Variants in NT5C2 observed in about 807,000 individuals in gnomAD.
The protein encoded by NT5C2 is cytosolic purine 5'-nucleotidase.
A neutral mutation model predicts 76.1 loss-of-function variants in NT5C2; 58 were observed. The ratio of observed to expected loss-of-function variants is 0.76; its 90% CI spans 0.62 to 0.95. The LOEUF (loss-of-function observed/expected upper bound fraction) is 0.95, where lower values mean the gene tolerates loss of function less well. Among genes scored for constraint, NT5C2 ranks in the 40% least tolerant of loss-of-function variants. The probability of loss-of-function intolerance (pLI) is 0.00; values close to 1 mark genes in which losing one functional copy is unlikely to be tolerated. For missense variants in NT5C2, 478 were observed against 690.3 expected, an observed-to-expected ratio of 0.69 and a Z score of 3.45; for synonymous variants, 229 against 237.4, an observed-to-expected ratio of 0.96 and a Z score of 0.32.
At chr10:103,097,925 C>T (rs1471145996) in intron 10 of NT5C2, 1 of 463,320 alleles carries the variant, frequency 2.2e-6, no homozygotes, top group South Asian at 1.6e-5. Context: ...TTTTCCTTCT[C>T]GCATAGCAAA....
intron 6 of NT5C2, among the ~76,000 whole-genome samples, chr10:103,104,471 T>C (rs1388588253): frequency 6.6e-6 from 1 of 152,210 alleles, no homozygotes; most frequent in Non-Finnish European, 1.5e-5. Context: ...TATCTGTGTA[T>C]AAAATAGCTT....
intron 2 of NT5C2, among the ~76,000 whole-genome samples, chr10:103,180,867 G>A (rs2090930143): frequency 1.3e-5 from 2 of 152,086 alleles, no homozygotes; most frequent in South Asian, 4.1e-4. Flanking sequence ...CAATATAAAG[G>A]AATAAAGTAT....
intron 1 of NT5C2, among the ~76,000 whole-genome samples, chr10:103,184,400 A>G (rs1377838638): frequency 6.6e-6 from 1 of 152,188 alleles, no homozygotes; most frequent in Non-Finnish European, 1.5e-5. Flanking sequence ...AACTCCAACT[A>G]ATAACATCAC....
At chr10:103,111,899 T>C (rs1305005229) in intron 4 of NT5C2, 2 of 790,104 alleles carry the variant, frequency 2.5e-6, no homozygotes, top group Non-Finnish European at 3.4e-6. Context: ...AGAGATACCA[T>C]TTGGAAATTG....
At chr10:103,143,809 G>A (rs888112047) in intron 3 of NT5C2, among the ~76,000 whole-genome samples, 1 of 151,816 alleles carries the variant, frequency 6.6e-6, no homozygotes, top group African/African-American at 2.4e-5. Flanking sequence ...TAAAAAATTA[G>A]CCACGTGTAG....
intron 4 of NT5C2, among the ~76,000 whole-genome samples, chr10:103,130,168 AAAG>A (rs1224280577): frequency 2.0e-5 from 3 of 151,732 alleles, no homozygotes; most frequent in East Asian, 3.9e-4. Flanking sequence ...GTCTGTGTAG[AAAG>A]AAGTAGACAT....
intron 3 of NT5C2, among the ~76,000 whole-genome samples, chr10:103,154,519 G>A (rs955090588): frequency 3.3e-5 from 5 of 152,256 alleles, no homozygotes; most frequent in African/African-American, 1.2e-4. Context: ...GGCACTAGAA[G>A]AACTAAGGCT....
At chr10:103,110,313 G>A (rs1221248022) in intron 4 of NT5C2, among the ~76,000 whole-genome samples, 1 of 152,074 alleles carries the variant, frequency 6.6e-6, no homozygotes, top group Non-Finnish European at 1.5e-5. Flanking sequence ...AAAATTAGCT[G>A]GGCGTGGTGG....
chr10:103,104,421 C>T (rs2070647118), intron 6 of NT5C2, among the ~76,000 whole-genome samples: 1 of 152,090 alleles, frequency 6.6e-6, no homozygotes, highest in Admixed American at 6.5e-5. Flanking sequence ...ATAATAGAAC[C>T]CTGGTTCATC....
At chr10:103,152,733 G>GA (rs1310188831) in intron 3 of NT5C2, among the ~76,000 whole-genome samples, 1 of 152,036 alleles carries the variant, frequency 6.6e-6, no homozygotes, top group Non-Finnish European at 1.5e-5. Context: ...CACAAAAAGA[G>GA]AATCAGTAAT....
chr10:103,146,855 A>G (rs550922666), intron 3 of NT5C2, among the ~76,000 whole-genome samples: 1 of 152,332 alleles, frequency 6.6e-6, no homozygotes, highest in Admixed American at 6.5e-5. Flanking sequence ...CACTAATGCC[A>G]AATTAATTGC....
intron 2 of NT5C2, among the ~76,000 whole-genome samples, chr10:103,179,886 T>C (rs558099696): frequency 1.3e-5 from 2 of 152,216 alleles, no homozygotes; most frequent in African/African-American, 2.4e-5. Flanking sequence ...TCCCTCTTCA[T>C]GGCTAACAGA....
chr10:103,148,465 G>T (rs544737360), intron 3 of NT5C2, among the ~76,000 whole-genome samples: 10 of 152,242 alleles, frequency 6.6e-5, no homozygotes, highest in African/African-American at 2.4e-4. Context: ...GCCGGGCATG[G>T]TGGCAGGTGC....
intron 12 of NT5C2, among the ~76,000 whole-genome samples, chr10:103,094,856 T>A (rs1305984370): frequency 7.1e-6 from 1 of 139,878 alleles, no homozygotes; most frequent in Non-Finnish European, 1.5e-5. Context: ...CACTCCAGCT[T>A]GGCAACAGAG....
chr10:103,186,372 T>C (rs2092009980), intron 1 of NT5C2, among the ~76,000 whole-genome samples: 1 of 152,244 alleles, frequency 6.6e-6, no homozygotes, highest in African/African-American at 2.4e-5. Flanking sequence ...CAGTACTTGA[T>C]GTTTGCAGGA....
intron 12 of NT5C2, among the ~76,000 whole-genome samples, chr10:103,094,732 AT>A (rs2067749746): frequency 1.3e-5 from 2 of 152,074 alleles, no homozygotes; most frequent in Non-Finnish European, 2.9e-5. Context: ...AACTACAAAA[AT>A]TAGCCGGGCG....
chr10:103,192,798 G>T (rs748146710), intron 1 of NT5C2, among the ~76,000 whole-genome samples: 3 of 152,206 alleles, frequency 2.0e-5, no homozygotes, highest in Admixed American at 6.5e-5. Context: ...GGGGTGGCCG[G>T]GAACAGCCTG....
intron 3 of NT5C2, among the ~76,000 whole-genome samples, chr10:103,145,715 G>A (rs1050523849): frequency 6.6e-6 from 1 of 152,134 alleles, no homozygotes; most frequent in African/African-American, 2.4e-5. Context: ...TTTGTAAGTT[G>A]CAGATTTGAG....
chr10:103,099,806 G>T, intron 9 of NT5C2, 120 bp downstream of exon 9: 2 of 605,062 alleles, frequency 3.3e-6, no homozygotes, highest in Admixed American at 2.7e-5. Flanking sequence ...CACTAGGCGG[G>T]GGCAAATCTG....
Sources: allele counts gnomAD v4.1 joint callset (sites outside exome capture counted in the v4.1 genomes callset), GRCh38; gene constraint gnomAD v4.1.1; transcripts MANE v1.5; gene names NCBI Gene and HGNC (gene_info 2026-07-23, HGNC 2026-07-21).